Variants in PRKAG2 observed in about 807,000 individuals in gnomAD.
PRKAG2 encodes the protein protein kinase AMP-activated non-catalytic subunit gamma 2.
A neutral mutation model predicts 69.6 loss-of-function variants in PRKAG2; 26 were observed. That is an observed-to-expected ratio of 0.37 (90% CI 0.27 to 0.52). The LOEUF is 0.52. Among genes scored for constraint, PRKAG2 ranks in the 20% least tolerant of loss-of-function variants. The pLI is 0.90. For missense variants in PRKAG2, 557 were observed against 740.0 expected, an observed-to-expected ratio of 0.75 and a Z score of 2.87; for synonymous variants, 293 against 285.0, an observed-to-expected ratio of 1.03 and a Z score of -0.28.
At chr7:151,658,194 T>TAAATAAATAAATAAAA (rs1188245398) in intron 4 of PRKAG2, among the ~76,000 whole-genome samples, 2 of 133,792 alleles carry the variant, frequency 1.5e-5, no homozygotes, top group South Asian at 2.3e-4. Context: ...AATAAATAAA[T>TAAATAAATAAATAAAA]AAGAATAATA....
At chr7:151,616,060 C>A (rs1820061399) in intron 5 of PRKAG2, among the ~76,000 whole-genome samples, 1 of 152,220 alleles carries the variant, frequency 6.6e-6, no homozygotes, top group African/African-American at 2.4e-5. Context: ...TACTGACGTC[C>A]TCCTTGGCAA....
chr7:151,675,186 G>A (rs1277354720), intron 4 of PRKAG2: 7 of 522,108 alleles, frequency 1.3e-5, no homozygotes. Flanking sequence ...CTCCCAAAGT[G>A]CTGGGACTAC....
intron 3 of PRKAG2, among the ~76,000 whole-genome samples, chr7:151,776,029 G>A (rs143618053): frequency 0.013 from 1,999 of 152,322 alleles, 20 homozygotes; most frequent in Non-Finnish European, 0.02. Context: ...AAGGAGCTCA[G>A]GGTGACCTCC....
intron 5 of PRKAG2, among the ~76,000 whole-genome samples, chr7:151,623,577 G>A (rs755647262): frequency 2.6e-5 from 4 of 152,092 alleles, no homozygotes; most frequent in Admixed American, 1.3e-4. Flanking sequence ...TGGCTAGGGG[G>A]TTGGGGACCC....
In PRKAG2 at chr7:151,743,673, G is replaced by A. The variant is rs60415078; in HGVS notation, c.466+37479C>T. 2.0e-3 allele frequency among the ~76,000 whole-genome samples: 311 copies of A among 152,302 alleles called. 6 individuals are homozygous for A. In the East Asian group the frequency reaches 0.046, roughly 23 times the overall value. Reference sequence around the variant, plus strand: ...CACCCGCAGAAGAAAGAAAAGGAGCGATTACTGAGTTCCTCCACGAGACTC... The same window carrying A: ...CACCCGCAGAAGAAAGAAAAGGAGCAATTACTGAGTTCCTCCACGAGACTC... On this transcript the variant is annotated intron_variant, in intron 3 of 15. Transcript: ENST00000287878.
chr7:151,757,061 G>A (rs1208206457), intron 3 of PRKAG2, among the ~76,000 whole-genome samples: 4 of 152,156 alleles, frequency 2.6e-5, no homozygotes, highest in Non-Finnish European at 5.9e-5. Context: ...AGGGACAATG[G>A]CCCTATTGAT....
intron 1 of PRKAG2, among the ~76,000 whole-genome samples, chr7:151,849,938 A>T (rs767898454): frequency 6.6e-6 from 1 of 152,174 alleles, no homozygotes; most frequent in Non-Finnish European, 1.5e-5. Context: ...AATCCGTGCC[A>T]CTTGTGCATG....
chr7:151,588,614 C>T (rs1812265607), intron 6 of PRKAG2, among the ~76,000 whole-genome samples: 1 of 152,128 alleles, frequency 6.6e-6, no homozygotes, highest in Admixed American at 6.5e-5. Context: ...CCTGCCTCGG[C>T]CTCCCAAAGT....
chr7:151,558,349 C>T lies in PRKAG2; in HGVS notation c.1679-1117G>A, dbSNP rs1804223751. ...GACTATTCCATGGACAACCACCTAACAGTGCAGGTCCCGGGCACTGCGCCT... is the reference window on the plus strand; with the variant it reads ...GACTATTCCATGGACAACCACCTAATAGTGCAGGTCCCGGGCACTGCGCCT... On this transcript the variant is annotated intron_variant, in intron 15 of 15. Coordinates refer to ENST00000287878, the MANE Select transcript of PRKAG2 (RefSeq NM_016203.4). 4 of 985,348 alleles carry T rather than the reference C, an allele frequency of 4.1e-6. No homozygotes were observed. In the South Asian group the frequency reaches 1.4e-4, roughly 35 times the overall value. The allele number at this position is 985,348 out of a possible 1,614,324, so 61.0% of individuals were successfully genotyped here.
chr7:151,585,357 A>G (rs73475446), intron 6 of PRKAG2, among the ~76,000 whole-genome samples: 2 of 152,210 alleles, frequency 1.3e-5, no homozygotes, highest in Admixed American at 1.3e-4. Context: ...TTTCTGTGGA[A>G]TATGACAAGA....
At chr7:151,821,528 G>A (rs2078778480) in intron 1 of PRKAG2, among the ~76,000 whole-genome samples, 1 of 152,194 alleles carries the variant, frequency 6.6e-6, no homozygotes, top group African/African-American at 2.4e-5. Flanking sequence ...TGCCCAGGTG[G>A]TAGAAGGCCA....
intron 3 of PRKAG2, among the ~76,000 whole-genome samples, chr7:151,706,495 A>C (rs1362285094): frequency 6.6e-6 from 1 of 152,028 alleles, no homozygotes; most frequent in Non-Finnish European, 1.5e-5. Context: ...CCTTGCTGTA[A>C]AGATTAAGTC....
At chr7:151,803,303 T>C (rs189129263) in intron 1 of PRKAG2, among the ~76,000 whole-genome samples, 9 of 152,242 alleles carry the variant, frequency 5.9e-5, no homozygotes, top group African/African-American at 2.2e-4. Flanking sequence ...CGGAATTCCT[T>C]GATTCTGATG....
chr7:151,682,480 C>G (rs908469684), intron 3 of PRKAG2, among the ~76,000 whole-genome samples: 7 of 152,166 alleles, frequency 4.6e-5, no homozygotes, highest in African/African-American at 1.7e-4. Context: ...ATCAAGTCAC[C>G]TCCTGCCTCA....
intron 6 of PRKAG2, among the ~76,000 whole-genome samples, chr7:151,578,736 T>C (rs1585016894): frequency 6.6e-6 from 1 of 152,196 alleles, no homozygotes; most frequent in African/African-American, 2.4e-5. Context: ...CAGAAACTCA[T>C]GAACTGTTTC....
chr7:151,605,984 T>C (rs1241042845), intron 5 of PRKAG2, among the ~76,000 whole-genome samples: 2 of 149,530 alleles, frequency 1.3e-5, no homozygotes, highest in Non-Finnish European at 3.0e-5. Flanking sequence ...GACATGGAGG[T>C]TGCAGTGAGC....
chr7:151,822,321 T>C (rs965587251), intron 1 of PRKAG2, among the ~76,000 whole-genome samples: 2 of 151,612 alleles, frequency 1.3e-5, no homozygotes, highest in South Asian at 4.2e-4. Flanking sequence ...GTGACTTTAC[T>C]GTCAGCAGGC....
chr7:151,630,565 G>T (rs1824164720), intron 5 of PRKAG2, among the ~76,000 whole-genome samples: 1 of 152,216 alleles, frequency 6.6e-6, no homozygotes, highest in Admixed American at 6.5e-5. Context: ...TAAGTAACTT[G>T]TCCAAGGTCA....
chr7:151,830,321 G>A (rs1239935485), intron 1 of PRKAG2, among the ~76,000 whole-genome samples: 1 of 151,918 alleles, frequency 6.6e-6, no homozygotes, highest in Admixed American at 6.6e-5. Flanking sequence ...CACCTGCACT[G>A]TGCTGTGTGG....
Sources: allele counts gnomAD v4.1 joint callset (sites outside exome capture counted in the v4.1 genomes callset), GRCh38; gene constraint gnomAD v4.1.1; transcripts MANE v1.5; gene names NCBI Gene and HGNC (gene_info 2026-07-23, HGNC 2026-07-21).